The following RYR2 variants were observed in gnomAD, a reference collection of about 807,000 sequenced individuals.
RYR2 encodes the protein cardiac muscle ryanodine receptor-calcium release channel.
RYR2 carries 227 observed loss-of-function variants against 601.1 expected under a neutral mutation model. That is an observed-to-expected ratio of 0.38 (90% CI 0.34 to 0.42). The LOEUF is 0.42. RYR2 is among the 10% of genes least tolerant of loss of function. RYR2 has a pLI of 1.00. For synonymous variants in RYR2, 2,223 were observed against 2,175.1 expected, an observed-to-expected ratio of 1.02 and a Z score of -0.61; for missense variants, 4,646 against 6,156.5, an observed-to-expected ratio of 0.75 and a Z score of 8.21.
At chr1:237,377,558 T>C in intron 8 of RYR2, 123 bp downstream of exon 8, 1 of 617,580 alleles carries the variant, frequency 1.6e-6, no homozygotes, top group Non-Finnish European at 2.7e-6. Flanking sequence ...TTCCTCTATC[T>C]CTATTAGATT....
At chr1:237,814,567 T>C (rs1023817546) in intron 100 of RYR2, among the ~76,000 whole-genome samples, 1 of 151,602 alleles carries the variant, frequency 6.6e-6, no homozygotes, top group African/African-American at 2.4e-5. Flanking sequence ...TTTTTTTTTT[T>C]CCAGATTAGG....
In RYR2 at chr1:237,639,040, T is replaced by C; in HGVS notation, c.6954T>C (p.Asn2318=). Residue 2318 remains asparagine (N), a synonymous_variant, in exon 46 of 105, where the codon AAT becomes AAC. Coordinates refer to ENST00000366574, the MANE Select transcript of RYR2 (RefSeq NM_001035.3). ...CNGESVEENA[N]VVVRLLIRRP... is the part of the protein sequence containing the mutation. ...GGGAGAGTGTGGAGGAAAATGCAAATGTCGTGGTGAGATTGCTCATTCGGA... is the reference window on the plus strand; with the variant it reads ...GGGAGAGTGTGGAGGAAAATGCAAACGTCGTGGTGAGATTGCTCATTCGGA... 6.2e-7 allele frequency: 1 copy of C among 1,613,860 alleles called. No homozygotes were observed. The highest frequency in any genetic ancestry group is 1.3e-5 in the African/African-American group (1 of 75,014).
chr1:237,611,500 A>G (rs1317002674), intron 36 of RYR2, among the ~76,000 whole-genome samples: 1 of 152,202 alleles, frequency 6.6e-6, no homozygotes, highest in Non-Finnish European at 1.5e-5. Context: ...GGCAGTAATA[A>G]TAGTAACATA....
chr1:237,417,510 A>T (rs1161108042), intron 11 of RYR2, among the ~76,000 whole-genome samples: 1 of 152,204 alleles, frequency 6.6e-6, no homozygotes, highest in Non-Finnish European at 1.5e-5. Flanking sequence ...CAGATCTGAC[A>T]GACTGTGGAT....
In RYR2 at chr1:237,832,773, CATCG is replaced by C. The variant is rs1663949412; in HGVS notation, c.*128_*131del. The stretch of plus-strand genomic sequence containing the variant: ...GCCAGCGTTGTGTGTTTTCTGGGAG[CATCG>C]AAGCTCTGTTTCGGAAGAGCTGTTT... On this transcript the variant is annotated 3_prime_UTR_variant, in exon 105 of 105. Transcript: ENST00000366574. 1 of 559,736 alleles carries C rather than the reference CATCG, an allele frequency of 1.8e-6. No homozygotes were observed. 34.7% of individuals were successfully genotyped at this position (559,736 alleles called of 1,614,324 possible).
intron 63 of RYR2, among the ~76,000 whole-genome samples, chr1:237,697,238 A>G (rs928268065): frequency 1.3e-5 from 2 of 150,194 alleles, no homozygotes; most frequent in African/African-American, 4.9e-5. Context: ...TCTTCATGTC[A>G]TTCCAACCTC....
intron 56 of RYR2, among the ~76,000 whole-genome samples, chr1:237,661,549 C>T (rs374266529): frequency 6.6e-6 from 1 of 152,124 alleles, no homozygotes; most frequent in South Asian, 2.1e-4. Flanking sequence ...CTGAAGTTTT[C>T]CTAATGAAAA....
intron 11 of RYR2, among the ~76,000 whole-genome samples, chr1:237,422,496 C>T (rs553844872): frequency 6.6e-6 from 1 of 152,132 alleles, no homozygotes; most frequent in African/African-American, 2.4e-5. Context: ...CTTGGCTTAT[C>T]TTTTTTGTTC....
At chr1:237,349,271 T>C (rs1377929246) in intron 3 of RYR2, among the ~76,000 whole-genome samples, 3 of 152,136 alleles carry the variant, frequency 2.0e-5, no homozygotes, top group African/African-American at 7.2e-5. Context: ...TTAGAAAAAG[T>C]TGAATCAGAA....
intron 23 of RYR2, among the ~76,000 whole-genome samples, chr1:237,509,262 T>A (rs11580260): frequency 4.2e-4 from 64 of 151,966 alleles, no homozygotes; most frequent in Admixed American, 1.2e-3. Context: ...ATTTGCAGTC[T>A]GCTTCTTTTC....
At chr1:237,682,195 C>G (rs185617833) in intron 62 of RYR2, among the ~76,000 whole-genome samples, 5 of 151,906 alleles carry the variant, frequency 3.3e-5, no homozygotes, top group African/African-American at 1.2e-4. Context: ...GTTAATTATA[C>G]CTCTATAAAG....
rs547785442 is a variant in RYR2 at position 237,795,416 on chromosome 1, T to C, written c.13956+85T>C. On this transcript the variant is annotated intron_variant, in intron 96 of 104. Coordinates refer to ENST00000366574, the MANE Select transcript of RYR2 (RefSeq NM_001035.3). ...TGTGATTCAGATGTAGAATAAGATA[T>C]TGAGGTATAATTTATCTGCCTATTA... The C allele has an allele frequency of 8.6e-6, 6 of 701,256 alleles. No individual in the cohort carries two copies. In the East Asian group the frequency reaches 9.3e-5, roughly 11 times the overall value. The allele number at this position is 701,256 out of a possible 1,614,324, so 43.4% of individuals were successfully genotyped here. A position where few individuals can be genotyped will look rare whatever the true frequency, so the allele number is the denominator to read the frequency against.
At chr1:237,148,239 C>T (rs1215142983) in intron 1 of RYR2, among the ~76,000 whole-genome samples, 1 of 152,028 alleles carries the variant, frequency 6.6e-6, no homozygotes, top group Middle Eastern at 3.4e-3. Context: ...CACTGAAATA[C>T]GTGCACGTGC....
intron 48 of RYR2, among the ~76,000 whole-genome samples, chr1:237,648,068 G>T (rs1311420330): frequency 2.6e-5 from 4 of 152,198 alleles, no homozygotes; most frequent in Non-Finnish European, 5.9e-5. Context: ...CTTTATTCAT[G>T]TTTAAAACAG....
At chr1:237,409,690 C>T (rs1231750430) in intron 10 of RYR2, among the ~76,000 whole-genome samples, 1 of 152,008 alleles carries the variant, frequency 6.6e-6, no homozygotes, top group East Asian at 1.9e-4. Flanking sequence ...ATGGTATATT[C>T]ATTGAAAGTT....
At chr1:237,492,881 A>C in intron 18 of RYR2, 73 bp from the exon 19 acceptor site, 1 of 1,138,120 alleles carries the variant, frequency 8.8e-7, no homozygotes, top group African/African-American at 3.4e-5. Flanking sequence ...GAAGGGAAGG[A>C]AGGAAGGGAG....
intron 3 of RYR2, among the ~76,000 whole-genome samples, chr1:237,332,755 GAGA>G (rs1696872389): frequency 6.6e-6 from 1 of 152,092 alleles, no homozygotes; most frequent in African/African-American, 2.4e-5. Context: ...TAACAACTTT[GAGA>G]AGATCTTTTA....
intron 1 of RYR2, among the ~76,000 whole-genome samples, chr1:237,148,038 A>G (rs1485533361): frequency 6.6e-6 from 1 of 152,168 alleles, no homozygotes; most frequent in Non-Finnish European, 1.5e-5. Context: ...AATTTTGCAT[A>G]ATATGACAGT....
chr1:237,435,743 A>T (rs148462251), intron 12 of RYR2, among the ~76,000 whole-genome samples: 1,553 of 152,334 alleles, frequency 0.01, 15 homozygotes, highest in Non-Finnish European at 0.017. Flanking sequence ...AAAATAGATG[A>T]CACAGAAATA....
Sources: gnomAD v4.1 joint callset for allele counts (sites outside exome capture counted in the v4.1 genomes callset) on GRCh38, gnomAD v4.1.1 for gene constraint, MANE v1.5 for transcripts, NCBI Gene and HGNC (gene_info 2026-07-23, HGNC 2026-07-21) for gene names.